The following RFX4 variants were observed in gnomAD, a reference collection of about 807,000 sequenced individuals.
RFX4 encodes the protein transcription factor RFX4.
A neutral mutation model predicts 95.0 loss-of-function variants in RFX4; 10 were observed. The ratio of observed to expected loss-of-function variants is 0.11; its 90% confidence interval spans 0.06 to 0.18. The LOEUF is 0.18. Ranked by LOEUF, RFX4 falls within the 10% of genes least tolerant of loss-of-function variation. The pLI, the probability that RFX4 is intolerant of heterozygous loss-of-function variation, is 1.00. For missense variants in RFX4, 640 were observed against 922.0 expected, an observed-to-expected ratio of 0.69 and a Z score of 3.96; for synonymous variants, 321 against 340.7, an observed-to-expected ratio of 0.94 and a Z score of 0.64.
At chr12:106,706,939 T>C (rs4964188) in intron 8 of RFX4, among the ~76,000 whole-genome samples, 94,318 of 152,094 alleles carry the variant, frequency 0.62, 31,288 homozygotes, top group African/African-American at 0.87. Context: ...GTTGCATGCA[T>C]ATTGTGTGCG....
Position 106,750,770 on chromosome 12 carries a change from C to T in RFX4, c.1912C>T (p.Pro638Ser). Residue 638 changes from proline (P) to serine (S), a missense_variant, in exon 17 of 18, where the codon CCT (proline) becomes TCT (serine). Coordinates refer to ENST00000392842, the MANE Select transcript of RFX4 (RefSeq NM_213594.3). ...TAISGPLHYA[P>S]YHRSSAQYPF... ...TATCTCTGGGCCACTCCACTATGCCCCTTACCACAGGAGCTCTGCACAGGT... is the reference window on the plus strand; with the variant it reads ...TATCTCTGGGCCACTCCACTATGCCTCTTACCACAGGAGCTCTGCACAGGT... The T allele has an allele frequency of 6.2e-7, 1 of 1,604,594 alleles. No homozygotes were observed. Among genetic ancestry groups the T allele is most frequent in the Non-Finnish European group, 8.5e-7 (1 of 1,176,722 alleles).
chr12:106,677,107 A>T (rs1202760168), intron 4 of RFX4, among the ~76,000 whole-genome samples: 1 of 152,178 alleles, frequency 6.6e-6, no homozygotes, highest in Non-Finnish European at 1.5e-5. Flanking sequence ...GAGATAATAC[A>T]TGTAAAGTGG....
At chr12:106,656,393 T>G (rs78676293) in intron 4 of RFX4, among the ~76,000 whole-genome samples, 2,268 of 152,288 alleles carry the variant, frequency 0.015, 65 homozygotes, top group African/African-American at 0.052. Flanking sequence ...GAGAGTCCTG[T>G]GTTATACTGC....
chr12:106,693,853 G>A (rs2041830054), intron 7 of RFX4, among the ~76,000 whole-genome samples: 1 of 152,162 alleles, frequency 6.6e-6, no homozygotes, highest in Non-Finnish European at 1.5e-5. Context: ...TAGTGGTAGT[G>A]CCTCCATGAT....
At chr12:106,724,902 C>T (rs2137540438) in intron 13 of RFX4, among the ~76,000 whole-genome samples, 1 of 151,698 alleles carries the variant, frequency 6.6e-6, no homozygotes, top group East Asian at 1.9e-4. Context: ...ATCTTAGCTA[C>T]TCGGGAGGCT....
chr12:106,622,763 G>A (rs1337948364), intron 2 of RFX4, among the ~76,000 whole-genome samples: 2 of 151,958 alleles, frequency 1.3e-5, no homozygotes, highest in Admixed American at 1.3e-4. Flanking sequence ...TTGGACTACA[G>A]GCACGTGCCA....
intron 16 of RFX4, among the ~76,000 whole-genome samples, chr12:106,748,883 G>A (rs531194310): frequency 4.6e-5 from 7 of 152,076 alleles, no homozygotes; most frequent in Non-Finnish European, 7.4e-5. Context: ...TCAGGAGATC[G>A]AAATCATCCT....
At chr12:106,717,320 C>T (rs1024015299) in intron 11 of RFX4, among the ~76,000 whole-genome samples, 2 of 152,178 alleles carry the variant, frequency 1.3e-5, no homozygotes, top group Non-Finnish European at 2.9e-5. Flanking sequence ...GTTCTCTTCC[C>T]GCCTCAGCTC....
intron 8 of RFX4, among the ~76,000 whole-genome samples, chr12:106,700,230 G>C (rs2041959016): frequency 6.6e-6 from 1 of 151,692 alleles, no homozygotes; most frequent in Non-Finnish European, 1.5e-5. Flanking sequence ...ATGGGGTCTT[G>C]CCATGTTTCC....
At chr12:106,667,876 G>T (rs1054515266) in intron 4 of RFX4, among the ~76,000 whole-genome samples, 1 of 152,188 alleles carries the variant, frequency 6.6e-6, no homozygotes, top group Non-Finnish European at 1.5e-5. Context: ...CCCATTTAAA[G>T]ATGAGGTAGT....
intron 2 of RFX4, among the ~76,000 whole-genome samples, chr12:106,629,221 T>C (rs1027583377): frequency 6.6e-6 from 1 of 152,224 alleles, no homozygotes; most frequent in Non-Finnish European, 1.5e-5. Flanking sequence ...AATACTTGCA[T>C]AGTATCCCAT....
At chr12:106,745,849 T>C (rs2042881592) in intron 15 of RFX4, among the ~76,000 whole-genome samples, 1 of 152,232 alleles carries the variant, frequency 6.6e-6, no homozygotes, top group African/African-American at 2.4e-5. Flanking sequence ...ATTTCCACCA[T>C]ACTAACATAT....
At chr12:106,692,002 C>CA (rs1565981983) in intron 7 of RFX4, among the ~76,000 whole-genome samples, 2 of 152,002 alleles carry the variant, frequency 1.3e-5, no homozygotes, top group African/African-American at 4.8e-5. Flanking sequence ...ACTAAAAATA[C>CA]AAAAATTAGC....
chr12:106,757,813 C>T (rs1249433709), intron 17 of RFX4, among the ~76,000 whole-genome samples: 1 of 152,182 alleles, frequency 6.6e-6, no homozygotes, highest in African/African-American at 2.4e-5. Flanking sequence ...AAAGTCAGCC[C>T]TTGGTGTGGA....
At chr12:106,692,017 C>T (rs370180693) in intron 7 of RFX4, among the ~76,000 whole-genome samples, 68 of 152,130 alleles carry the variant, frequency 4.5e-4, no homozygotes, top group African/African-American at 1.5e-3. Context: ...ATTAGCTGGA[C>T]GTGGTGGCGC....
chr12:106,755,748 G>A (rs1449694164), intron 17 of RFX4, among the ~76,000 whole-genome samples: 4 of 152,164 alleles, frequency 2.6e-5, no homozygotes, highest in Admixed American at 2.0e-4. Context: ...CCAATTCTGA[G>A]TAACTGAATA....
chr12:106,626,535 G>T (rs1188234980), intron 2 of RFX4, among the ~76,000 whole-genome samples: 1 of 152,160 alleles, frequency 6.6e-6, no homozygotes, highest in Non-Finnish European at 1.5e-5. Flanking sequence ...AGAGTTTGAG[G>T]TCTGAGGTGC....
intron 2 of RFX4, among the ~76,000 whole-genome samples, chr12:106,616,084 G>A (rs376337063): frequency 1.6e-4 from 24 of 152,300 alleles, no homozygotes; most frequent in African/African-American, 5.8e-4. Context: ...TAGGTGAGAT[G>A]TTTGCTGTGG....
At chr12:106,684,751 C>T (rs1400302990) in intron 5 of RFX4, 10 of 1,534,908 alleles carry the variant, frequency 6.5e-6, no homozygotes, top group Middle Eastern at 1.7e-4. Flanking sequence ...GTAGAAGACA[C>T]GGAAGGCACA....
Sources: gnomAD v4.1 joint callset for allele counts (sites outside exome capture counted in the v4.1 genomes callset) on GRCh38, gnomAD v4.1.1 for gene constraint, MANE v1.5 for transcripts, NCBI Gene and HGNC (gene_info 2026-07-23, HGNC 2026-07-21) for gene names.